Variants in HEPACAM2 observed in about 807,000 individuals in gnomAD.
HEPACAM2 encodes the protein mitotic kinetics regulator.
HEPACAM2 carries 49 observed loss-of-function variants against 49.6 expected under a neutral mutation model. That is an observed-to-expected ratio of 0.99 (90% CI 0.78 to 1.25). The LOEUF is 1.25. HEPACAM2 is among the 50% of genes most tolerant of loss of function. The pLI is 0.00. For synonymous variants in HEPACAM2, 197 were observed against 202.9 expected (o/e 0.97, Z 0.25); for missense variants, 525 against 557.2 (o/e 0.94, Z 0.58).
chr7:93,200,737 C>T (rs868602844), intron 4 of HEPACAM2, among the ~76,000 whole-genome samples: 2 of 152,150 alleles, frequency 1.3e-5, no homozygotes, highest in Non-Finnish European at 2.9e-5. Flanking sequence ...TTTCATATCA[C>T]ATCATTTATT....
intron 1 of HEPACAM2, among the ~76,000 whole-genome samples, chr7:93,221,278 A>T (rs1490475466): frequency 1.3e-5 from 2 of 152,208 alleles, no homozygotes; most frequent in Non-Finnish European, 2.9e-5. Context: ...TAAATTTCTC[A>T]AGTACAAAAT....
intron 4 of HEPACAM2, among the ~76,000 whole-genome samples, chr7:93,203,879 T>C (rs180861586): frequency 6.6e-6 from 1 of 152,096 alleles, no homozygotes; most frequent in Admixed American, 6.6e-5. Flanking sequence ...CGTTGAGGAG[T>C]GTGCCATTTC....
At chr7:93,224,302 A>G (rs1794501755) in intron 1 of HEPACAM2, among the ~76,000 whole-genome samples, 1 of 151,982 alleles carries the variant, frequency 6.6e-6, no homozygotes, top group South Asian at 2.1e-4. Flanking sequence ...AAATAATATA[A>G]AAATTGATGA....
chr7:93,211,129 AC>A (rs1794168782), intron 3 of HEPACAM2, among the ~76,000 whole-genome samples: 2 of 152,156 alleles, frequency 1.3e-5, no homozygotes, highest in East Asian at 3.9e-4. Flanking sequence ...ATAACAGAAA[AC>A]GAATATACAA....
At chr7:93,226,596 A>G (rs974120732), upstream of HEPACAM2, 13 of 591,628 alleles carry the variant, frequency 2.2e-5, no homozygotes, top group Middle Eastern at 1.0e-3. Context: ...GGACACAGGG[A>G]GTGGGAACAC....
chr7:93,218,813 A>G (rs1291361465), intron 2 of HEPACAM2, among the ~76,000 whole-genome samples: 4 of 152,180 alleles, frequency 2.6e-5, no homozygotes, highest in Non-Finnish European at 4.4e-5. Flanking sequence ...TCATCAAATT[A>G]GCAACATTAT....
intron 4 of HEPACAM2, among the ~76,000 whole-genome samples, chr7:93,206,064 A>G (rs1319102795): frequency 6.6e-6 from 1 of 152,116 alleles, no homozygotes; most frequent in Non-Finnish European, 1.5e-5. Context: ...TTCTGATATT[A>G]TGAGAATATC....
chr7:93,231,006 A>G (rs985716676), upstream of HEPACAM2, among the ~76,000 whole-genome samples: 1 of 152,242 alleles, frequency 6.6e-6, no homozygotes, highest in Non-Finnish European at 1.5e-5. Flanking sequence ...AAAGCCCTAT[A>G]TAAAATATTA....
rs564753737 is a variant in HEPACAM2, at chr7:93,223,867, T to C, written c.79+2501A>G. Among the ~76,000 whole-genome samples, 6 of 152,278 alleles carry C rather than the reference T, an allele frequency of 3.9e-5. No homozygotes were observed. In the East Asian group the frequency reaches 1.2e-3, roughly 29 times the overall value. On this transcript the variant is annotated intron_variant, in intron 1 of 9. Transcript: ENST00000394468. The stretch of plus-strand genomic sequence containing the variant: ...ATCAATATGATACAATCTTTGCTTG[T>C]AGTGAAATTTGGGAATAAACAGATA...
intron 4 of HEPACAM2, 85 bp from the exon 5 acceptor site, chr7:93,197,695 C>A: frequency 2.1e-6 from 2 of 944,688 alleles, no homozygotes; most frequent in East Asian, 2.6e-5. Context: ...TTAAATGAGA[C>A]GCTATTGAAA....
At chr7:93,231,052 C>A (rs1480980549), upstream of HEPACAM2, among the ~76,000 whole-genome samples, 1 of 151,990 alleles carries the variant, frequency 6.6e-6, no homozygotes, top group African/African-American at 2.4e-5. Flanking sequence ...ATTAATAAAA[C>A]GAGGCTCTAA....
Position 93,225,939 on chromosome 7 carries a change from T to C in HEPACAM2, c.79+429A>G, listed in dbSNP as rs562631092. 1.2e-4 allele frequency: 166 copies of C among 1,390,916 alleles called. No individual in the cohort carries two copies. In the African/African-American group the frequency reaches 2.1e-3, roughly 17 times the overall value. The allele number at this position is 1,390,916 out of a possible 1,614,324, so 86.2% of individuals were successfully genotyped here. A position where few individuals can be genotyped will look rare whatever the true frequency, so the allele number is the denominator to read the frequency against. Reference sequence around the variant, plus strand: ...TAACTTAAAACGAAGCAGTAAACAGTTTGCAACAATATCTTTAATTAAAAA... The same window carrying C: ...TAACTTAAAACGAAGCAGTAAACAGCTTGCAACAATATCTTTAATTAAAAA... On this transcript the variant is annotated intron_variant, in intron 1 of 9. Transcript: ENST00000394468.
chr7:93,197,754 C>T (rs550145743), intron 4 of HEPACAM2, 144 bp from the exon 5 acceptor site: 2 of 568,286 alleles, frequency 3.5e-6, no homozygotes, highest in Admixed American at 6.6e-5. Flanking sequence ...AGAGAGAGAC[C>T]AAATGGAAGG....
In HEPACAM2 at chr7:93,197,240, C is replaced by T. The variant is rs1793749605; in HGVS notation, c.1201+1G>A. The T allele has an allele frequency of 1.2e-6, 2 of 1,608,716 alleles. No homozygotes were observed. The highest frequency in any genetic ancestry group is 2.7e-5 in the African/African-American group (2 of 74,722). On this transcript the variant is annotated splice_donor_variant, in intron 7 of 9. Coordinates refer to ENST00000394468, the MANE Select transcript of HEPACAM2 (RefSeq NM_001039372.4). LOFTEE classifies it high-confidence loss of function. ...ATAGCCCTTTTCAGCTTGGCCATTA[C>T]CTGAAAATGTTTGAGCTTTCCTGTA...
Position 93,188,883 on chromosome 7 carries a change from C to T in HEPACAM2, c.*384G>A. The stretch of plus-strand genomic sequence containing the variant: ...AAAATCGAACAATGTAAAGTTTCCA[C>T]ATTTGTAGGTGAGACAGGATAGTCT... On this transcript the variant is annotated 3_prime_UTR_variant, in exon 10 of 10. Coordinates refer to ENST00000394468, the MANE Select transcript of HEPACAM2 (RefSeq NM_001039372.4). 2.5e-6 allele frequency: 1 copy of T among 394,956 alleles called. No individual in the cohort carries two copies. The highest frequency in any genetic ancestry group is 4.5e-6 in the Non-Finnish European group (1 of 223,644). 24.5% of individuals were successfully genotyped at this position (394,956 alleles called of 1,614,324 possible).
intron 3 of HEPACAM2, among the ~76,000 whole-genome samples, chr7:93,211,069 G>A (rs1191903585): frequency 6.6e-6 from 1 of 151,970 alleles, no homozygotes; most frequent in Non-Finnish European, 1.5e-5. Context: ...TCTCTATCAT[G>A]TCAGCATTTT....
chr7:93,219,533 C>A, intron 1 of HEPACAM2, 82 bp from the exon 2 acceptor site: 2 of 1,588,894 alleles, frequency 1.3e-6, no homozygotes, highest in South Asian at 2.3e-5. Flanking sequence ...AGAACCTGAT[C>A]AGGTGATAAT....
At chr7:93,200,804 G>A (rs28757359) in intron 4 of HEPACAM2, among the ~76,000 whole-genome samples, 4,787 of 152,052 alleles carry the variant, frequency 0.031, 158 homozygotes, top group East Asian at 0.08. Flanking sequence ...ACAATCATTC[G>A]TATTCATTCA....
chr7:93,208,867 T>A lies in HEPACAM2; in HGVS notation c.725A>T (p.Tyr242Phe). 1 of 1,599,292 alleles carries A rather than the reference T, an allele frequency of 6.3e-7. No individual in the cohort carries two copies. The highest frequency in any genetic ancestry group is 8.5e-7 in the Non-Finnish European group (1 of 1,172,854). Residue 242 changes from tyrosine (Y) to phenylalanine (F), a missense_variant, in exon 4 of 10, where the codon TAT becomes TTT. Coordinates refer to ENST00000394468, the MANE Select transcript of HEPACAM2 (RefSeq NM_001039372.4). ...IIMPIIYYGP[Y>F]GLQVNSDKGL... ...TTTATCAGAATTCACTTGAAGTCCA[T>A]AAGGTCCATCTGCATCAATATAAAA...
Sources: gnomAD v4.1 joint callset for allele counts (sites outside exome capture counted in the v4.1 genomes callset) on GRCh38, gnomAD v4.1.1 for gene constraint, MANE v1.5 for transcripts, NCBI Gene and HGNC (gene_info 2026-07-23, HGNC 2026-07-21) for gene names.